ADGRB3: variants seen among roughly 807,000 people sequenced by gnomAD.
ADGRB3 encodes adhesion G protein-coupled receptor B3.
A neutral mutation model predicts 193.4 loss-of-function variants in ADGRB3; 37 were observed. The ratio of observed to expected loss-of-function variants is 0.19; its 90% CI spans 0.15 to 0.25. The LOEUF (loss-of-function observed/expected upper bound fraction) is 0.25, where lower values mean the gene tolerates loss of function less well. Ranked by LOEUF, ADGRB3 falls within the 10% of genes least tolerant of loss-of-function variation. ADGRB3 has a pLI of 1.00. For synonymous variants in ADGRB3, 690 were observed against 644.2 expected, an observed-to-expected ratio of 1.07 and a Z score of -1.08; for missense variants, 1,637 against 1,852.9, an observed-to-expected ratio of 0.88 and a Z score of 2.14.
intron 3 of ADGRB3, among the ~76,000 whole-genome samples, chr6:68,854,116 G>A (rs1383823185): frequency 6.6e-6 from 1 of 152,038 alleles, no homozygotes; most frequent in Non-Finnish European, 1.5e-5. Context: ...GTCTTTTGTT[G>A]ATCAAAGGCT....
chr6:69,310,141 G>A (rs1768159631), intron 20 of ADGRB3, among the ~76,000 whole-genome samples: 1 of 151,762 alleles, frequency 6.6e-6, no homozygotes, highest in Admixed American at 6.6e-5. Context: ...TATTTGGTAA[G>A]ATCTATTTTT....
chr6:69,121,042 T>TGTTTCTC (rs1354125172), intron 17 of ADGRB3, among the ~76,000 whole-genome samples: 1 of 141,126 alleles, frequency 7.1e-6, no homozygotes, highest in Non-Finnish European at 1.5e-5. Context: ...CATTCTTGGG[T>TGTTTCTC]GTTTCTCAGA....
intron 3 of ADGRB3, among the ~76,000 whole-genome samples, chr6:68,867,505 G>T (rs960486206): frequency 2.6e-5 from 4 of 152,198 alleles, no homozygotes; most frequent in Non-Finnish European, 5.9e-5. Context: ...GAAATGTGGG[G>T]TTGGAGCCCC....
At chr6:68,801,978 A>C (rs894090719) in intron 3 of ADGRB3, among the ~76,000 whole-genome samples, 24 of 152,280 alleles carry the variant, frequency 1.6e-4, no homozygotes, top group Non-Finnish European at 2.9e-4. Context: ...AGCTGACCCC[A>C]AAAAATTGTA....
At chr6:69,387,643 T>C (rs1770103336) in intron 31 of ADGRB3, among the ~76,000 whole-genome samples, 1 of 152,062 alleles carries the variant, frequency 6.6e-6, no homozygotes, top group African/African-American at 2.4e-5. Context: ...TAAGCAATCC[T>C]CCTACCTCAG....
chr6:68,863,711 T>C (rs1765218112), intron 3 of ADGRB3, among the ~76,000 whole-genome samples: 2 of 152,180 alleles, frequency 1.3e-5, no homozygotes, highest in Admixed American at 6.5e-5. Flanking sequence ...AGAATGGCTT[T>C]TATTGGATAG....
At chr6:68,871,401 T>C (rs1181969401) in intron 3 of ADGRB3, among the ~76,000 whole-genome samples, 2 of 152,204 alleles carry the variant, frequency 1.3e-5, no homozygotes, top group Non-Finnish European at 2.9e-5. Flanking sequence ...CTTAGGCAAA[T>C]TTAATGGTCT....
rs935372564 is a variant in ADGRB3, at chr6:68,891,542, T to C, written c.758-39017T>C. On this transcript the variant is annotated intron_variant, in intron 3 of 31. Transcript: ENST00000370598. ...AGACATTATGATGGTAGATTATGTATGATCAAACAACTTAATGAATGTCTG... is the reference window on the plus strand; with the variant it reads ...AGACATTATGATGGTAGATTATGTACGATCAAACAACTTAATGAATGTCTG... Among the ~76,000 whole-genome samples the C allele has an allele frequency of 3.9e-5, 6 of 152,172 alleles. No homozygotes were observed. The South Asian group carries it at 1.2e-3, about 32-fold the overall frequency.
At chr6:68,761,448 A>G (rs1766392948) in intron 3 of ADGRB3, among the ~76,000 whole-genome samples, 1 of 151,340 alleles carries the variant, frequency 6.6e-6, no homozygotes, top group Non-Finnish European at 1.5e-5. Context: ...AGGCTTCTAC[A>G]GTTACTACAT....
intron 3 of ADGRB3, among the ~76,000 whole-genome samples, chr6:68,849,179 T>G (rs1158721400): frequency 1.3e-5 from 2 of 151,960 alleles, no homozygotes; most frequent in African/African-American, 4.8e-5. Context: ...TAAGAAAACA[T>G]CAGTTTCCTT....
intron 20 of ADGRB3, among the ~76,000 whole-genome samples, chr6:69,293,829 TG>T (rs1290536321): frequency 2.0e-5 from 3 of 149,970 alleles, no homozygotes; most frequent in African/African-American, 7.4e-5. Context: ...TGGAAGGGGG[TG>T]GGGGGATGGG....
intron 26 of ADGRB3, among the ~76,000 whole-genome samples, chr6:69,349,876 C>T (rs1260463923): frequency 6.6e-6 from 1 of 152,148 alleles, no homozygotes; most frequent in Non-Finnish European, 1.5e-5. Context: ...ATACAGAGCC[C>T]GTTTCAAACT....
intron 16 of ADGRB3, among the ~76,000 whole-genome samples, chr6:69,072,758 A>G (rs975437534): frequency 2.0e-5 from 3 of 152,214 alleles, no homozygotes; most frequent in Non-Finnish European, 4.4e-5. Context: ...TGTTACAAGG[A>G]TAATTTGTTT....
chr6:69,106,379 G>T (rs529861111), intron 17 of ADGRB3, among the ~76,000 whole-genome samples: 1 of 152,210 alleles, frequency 6.6e-6, no homozygotes, highest in East Asian at 1.9e-4. Context: ...GGTGGTGTAT[G>T]ACAGGTCTAG....
chr6:68,656,951 G>A (rs968152854), intron 3 of ADGRB3, among the ~76,000 whole-genome samples: 1 of 151,414 alleles, frequency 6.6e-6, no homozygotes, highest in Non-Finnish European at 1.5e-5. Flanking sequence ...TGCAGAAGTG[G>A]GAAGTTCTCT....
intron 3 of ADGRB3, among the ~76,000 whole-genome samples, chr6:68,916,626 CTTTGTA>C (rs1766886458): frequency 6.6e-6 from 1 of 152,168 alleles, no homozygotes; most frequent in African/African-American, 2.4e-5. Flanking sequence ...TGTATAAGTA[CTTTGTA>C]TTTGATAGTC....
intron 16 of ADGRB3, among the ~76,000 whole-genome samples, chr6:69,067,229 T>A (rs1771936743): frequency 6.6e-6 from 1 of 152,146 alleles, no homozygotes; most frequent in Non-Finnish European, 1.5e-5. Flanking sequence ...AGGGTTGAGA[T>A]AAATGCGTTA....
intron 17 of ADGRB3, among the ~76,000 whole-genome samples, chr6:69,197,725 A>G (rs1349503545): frequency 2.6e-5 from 4 of 152,056 alleles, no homozygotes; most frequent in African/African-American, 9.7e-5. Context: ...TATTATAAAT[A>G]TTATCAAGTG....
At chr6:68,865,990 G>A (rs1765287844) in intron 3 of ADGRB3, among the ~76,000 whole-genome samples, 1 of 152,134 alleles carries the variant, frequency 6.6e-6, no homozygotes, top group Admixed American at 6.5e-5. Flanking sequence ...TTGCTAGACA[G>A]AGATCAGAGT....
Sources: gnomAD v4.1 joint callset for allele counts (sites outside exome capture counted in the v4.1 genomes callset) on GRCh38, gnomAD v4.1.1 for gene constraint, MANE v1.5 for transcripts, NCBI Gene and HGNC (gene_info 2026-07-23, HGNC 2026-07-21) for gene names.